Variants in PPFIA2 observed in about 807,000 individuals in gnomAD.
PPFIA2 encodes liprin-alpha-2.
Under a neutral mutation model 175.5 loss-of-function variants are expected in PPFIA2, and 46 were observed. The ratio of observed to expected loss-of-function variants is 0.26; its 90% CI spans 0.21 to 0.34. The LOEUF (loss-of-function observed/expected upper bound fraction) is 0.34. Ranked by LOEUF, PPFIA2 falls within the 10% of genes least tolerant of loss-of-function variation. The pLI, the probability that PPFIA2 is intolerant of heterozygous loss-of-function variation, is 1.00. For synonymous variants in PPFIA2, 568 were observed against 511.4 expected (o/e 1.11, Z -1.49); for missense variants, 1,179 against 1,506.1 (o/e 0.78, Z 3.60).
In PPFIA2 at chr12:81,380,962, C is replaced by CTGTGTG. The variant is rs71098139; in HGVS notation, c.984+3055_984+3060dup. On this transcript the variant is annotated intron_variant, in intron 9 of 32. Coordinates refer to ENST00000549396, the MANE Select transcript of PPFIA2 (RefSeq NM_003625.5). ...ATTCGTTTATTTAGCTTTCACAGTG[C>CTGTGTG]TGTGTGTGTGTGTGTGTGTGTGTGT... Among the ~76,000 whole-genome samples the CTGTGTG allele has an allele frequency of 2.8e-3, 379 of 137,548 alleles. 1 individual carries two copies. The highest frequency in any genetic ancestry group is 7.1e-3 in the African/African-American group (260 of 36,544). The allele number at this position is 137,548 out of a possible 152,430, so 90.2% of individuals were successfully genotyped here.
rs1000350914 is a variant in PPFIA2, at chr12:81,556,623, T to C, written c.304-98757A>G. 7.9e-5 allele frequency among the ~76,000 whole-genome samples: 12 copies of C among 152,032 alleles called. No homozygotes were observed. In the South Asian group the frequency reaches 1.4e-3, roughly 18 times the overall value. ...TGGGAAAATTTGTGCAAGTTTTTAA[T>C]CAATATTTTGATAGGTTATTATAGT... On this transcript the variant is annotated intron_variant, in intron 4 of 32. Coordinates refer to ENST00000549396, the MANE Select transcript of PPFIA2 (RefSeq NM_003625.5).
At chr12:81,551,861 T>C (rs1360186343) in intron 4 of PPFIA2, among the ~76,000 whole-genome samples, 1 of 151,894 alleles carries the variant, frequency 6.6e-6, no homozygotes, top group Non-Finnish European at 1.5e-5. Flanking sequence ...GGAAACAAGG[T>C]GATACTGTGG....
At chr12:81,473,519 C>A (rs1239053668) in intron 4 of PPFIA2, among the ~76,000 whole-genome samples, 6 of 152,168 alleles carry the variant, frequency 3.9e-5, no homozygotes, top group African/African-American at 1.4e-4. Context: ...ATCAGATAAA[C>A]CACATGTGTG....
intron 4 of PPFIA2, among the ~76,000 whole-genome samples, chr12:81,542,002 C>T (rs576440913): frequency 2.4e-4 from 37 of 151,482 alleles, no homozygotes; most frequent in African/African-American, 8.7e-4. Context: ...TAGATGGATA[C>T]CGCAGTGAGC....
At chr12:81,337,030 C>T (rs2057243924) in intron 21 of PPFIA2, among the ~76,000 whole-genome samples, 1 of 152,154 alleles carries the variant, frequency 6.6e-6, no homozygotes, top group African/African-American at 2.4e-5. Flanking sequence ...AGACCTAAAA[C>T]TGGTAGCCCT....
At chr12:81,520,622 C>T (rs2063006772) in intron 4 of PPFIA2, among the ~76,000 whole-genome samples, 1 of 152,130 alleles carries the variant, frequency 6.6e-6, no homozygotes, top group African/African-American at 2.4e-5. Context: ...GGTGCTTTGA[C>T]ATGTCTGGCA....
intron 4 of PPFIA2, among the ~76,000 whole-genome samples, chr12:81,645,896 T>C (rs2065991857): frequency 6.6e-6 from 1 of 152,038 alleles, no homozygotes; most frequent in Non-Finnish European, 1.5e-5. Context: ...TGGAGACAGG[T>C]AGGAAAAGAG....
chr12:81,718,566 C>T lies in PPFIA2; in HGVS notation c.249+35407G>A, dbSNP rs144057042. On this transcript the variant is annotated intron_variant, in intron 3 of 32. Coordinates refer to ENST00000549396, the MANE Select transcript of PPFIA2 (RefSeq NM_003625.5). ...GTGCATTATACTTGTAGAACCCAGA[C>T]GGGCTCTCAAAAACCATCTGGTCTA... 6.4e-3 allele frequency among the ~76,000 whole-genome samples: 976 copies of T among 151,666 alleles called. 13 individuals are homozygous for T. The highest frequency in any genetic ancestry group is 0.022 in the African/African-American group (928 of 41,456).
intron 15 of PPFIA2, among the ~76,000 whole-genome samples, chr12:81,361,191 A>G (rs1353699136): frequency 6.6e-6 from 1 of 151,616 alleles, no homozygotes; most frequent in African/African-American, 2.4e-5. Context: ...ACACTTTGAA[A>G]CTCTGTATTT....
chr12:81,593,841 C>T (rs981815192), intron 4 of PPFIA2, among the ~76,000 whole-genome samples: 3 of 152,114 alleles, frequency 2.0e-5, no homozygotes, highest in Non-Finnish European at 2.9e-5. Context: ...TTATGCCAAG[C>T]TGGGAAGATA....
rs1389218659 is a variant in PPFIA2 at position 81,747,504 on chromosome 12, G to A, written c.249+6469C>T. On this transcript the variant is annotated intron_variant, in intron 3 of 32. Coordinates refer to ENST00000549396, the MANE Select transcript of PPFIA2 (RefSeq NM_003625.5). The stretch of plus-strand genomic sequence containing the variant: ...GTTCATTATTACCCAGTAAAATTGT[G>A]CAGTTAAGGTTGGCTAAAGATAATG... Among the ~76,000 whole-genome samples the A allele has an allele frequency of 1.4e-5, 2 of 144,088 alleles. 1 individual carries two copies. The highest frequency in any genetic ancestry group is 4.3e-4 in the East Asian group (2 of 4,694). 94.5% of individuals were successfully genotyped at this position (144,088 alleles called of 152,430 possible). A position where few individuals can be genotyped will look rare whatever the true frequency, so the allele number is the denominator to read the frequency against.
intron 4 of PPFIA2, among the ~76,000 whole-genome samples, chr12:81,620,324 T>C (rs1441141599): frequency 6.6e-6 from 1 of 152,132 alleles, no homozygotes; most frequent in East Asian, 1.9e-4. Flanking sequence ...ATTTACAGTT[T>C]TAAGGAAAAA....
chr12:81,485,204 A>G (rs2058680922), intron 4 of PPFIA2, among the ~76,000 whole-genome samples: 1 of 151,790 alleles, frequency 6.6e-6, no homozygotes, highest in South Asian at 2.1e-4. Flanking sequence ...ATAAATGTGA[A>G]CCCAATGCAT....
chr12:81,301,173 A>C (rs905058310), intron 22 of PPFIA2, among the ~76,000 whole-genome samples: 1 of 151,962 alleles, frequency 6.6e-6, no homozygotes, highest in Non-Finnish European at 1.5e-5. Context: ...AAGCAGGAGA[A>C]GCACTAATGG....
intron 8 of PPFIA2, among the ~76,000 whole-genome samples, chr12:81,400,870 C>G (rs928927226): frequency 9.2e-5 from 14 of 152,114 alleles, no homozygotes; most frequent in African/African-American, 3.4e-4. Flanking sequence ...GTTGTATGGT[C>G]ATTGAAGGAT....
At chr12:81,756,327 G>GA (rs2084655358) in intron 2 of PPFIA2, among the ~76,000 whole-genome samples, 1 of 152,098 alleles carries the variant, frequency 6.6e-6, no homozygotes, top group Non-Finnish European at 1.5e-5. Flanking sequence ...TTTCCACCCT[G>GA]AATCACTCAG....
intron 3 of PPFIA2, among the ~76,000 whole-genome samples, chr12:81,678,877 G>T (rs1241019243): frequency 6.6e-6 from 1 of 151,670 alleles, no homozygotes; most frequent in African/African-American, 2.4e-5. Context: ...GGGTCTGTTT[G>T]TAAAAGGCCC....
chr12:81,422,855 C>G (rs2046525367), intron 7 of PPFIA2, among the ~76,000 whole-genome samples: 1 of 152,108 alleles, frequency 6.6e-6, no homozygotes, highest in Non-Finnish European at 1.5e-5. Flanking sequence ...AACCTATGAA[C>G]TTTTGGGAGA....
At chr12:81,461,183 T>C (rs1425651883) in intron 4 of PPFIA2, among the ~76,000 whole-genome samples, 2 of 152,082 alleles carry the variant, frequency 1.3e-5, no homozygotes, top group African/African-American at 4.8e-5. Context: ...CTTTGAGCAG[T>C]TGGCACTTTG....
Sources: allele counts gnomAD v4.1 joint callset (sites outside exome capture counted in the v4.1 genomes callset), GRCh38; gene constraint gnomAD v4.1.1; transcripts MANE v1.5; gene names NCBI Gene and HGNC (gene_info 2026-07-23, HGNC 2026-07-21).